PIBF1: variants seen among roughly 807,000 people sequenced by gnomAD.
PIBF1 encodes the protein progesterone immunomodulatory binding factor 1.
PIBF1 carries 90 observed loss-of-function variants against 112.5 expected under a neutral mutation model. The ratio of observed to expected loss-of-function variants is 0.80; its 90% CI spans 0.67 to 0.95. The LOEUF (loss-of-function observed/expected upper bound fraction) is 0.95. PIBF1 is among the 40% of genes least tolerant of loss of function. PIBF1 has a pLI of 0.00. For synonymous variants in PIBF1, 301 were observed against 288.6 expected (o/e 1.04, Z -0.44); for missense variants, 915 against 852.3 (o/e 1.07, Z -0.92).
At chr13:72,868,532 A>G (rs909089109) in intron 10 of PIBF1, among the ~76,000 whole-genome samples, 2 of 152,220 alleles carry the variant, frequency 1.3e-5, no homozygotes, top group African/African-American at 4.8e-5. Flanking sequence ...GTCATTTATA[A>G]GAATGGAATG....
chr13:72,971,188 GTGTGTGTGTGTGTGTGTA>G (rs1473615124), intron 15 of PIBF1, among the ~76,000 whole-genome samples: 98 of 112,852 alleles, frequency 8.7e-4, no homozygotes, highest in African/African-American at 3.3e-3. Context: ...GAGAGTGAGT[GTGTGTGTGTGTGTGTGTA>G]TGTGTGTGTG....
rs536625545 is a variant in PIBF1, at chr13:72,993,185, A to G, written c.2050-5637A>G. On this transcript the variant is annotated intron_variant, in intron 16 of 17. Coordinates refer to ENST00000326291, the MANE Select transcript of PIBF1 (RefSeq NM_006346.4). Reference sequence around the variant, plus strand: ...AAAATACAAAAATAATTAGCCGGGCATGGTTGGTGCATGCCTGTAGACCCA... The same window carrying G: ...AAAATACAAAAATAATTAGCCGGGCGTGGTTGGTGCATGCCTGTAGACCCA... 3.3e-5 allele frequency among the ~76,000 whole-genome samples: 5 copies of G among 151,986 alleles called. No individual in the cohort carries two copies. The East Asian group carries it at 9.7e-4, about 30-fold the overall frequency.
At chr13:72,992,501 G>C (rs1304609531) in intron 16 of PIBF1, among the ~76,000 whole-genome samples, 1 of 152,022 alleles carries the variant, frequency 6.6e-6, no homozygotes, top group Admixed American at 6.6e-5. Context: ...TCGCATCCAC[G>C]TACACAGAGA....
chr13:72,987,464 A>G (rs1026029360), intron 16 of PIBF1, among the ~76,000 whole-genome samples: 3 of 152,048 alleles, frequency 2.0e-5, no homozygotes, highest in Non-Finnish European at 4.4e-5. Flanking sequence ...AGACTGGGCT[A>G]AATAACTTGA....
At chr13:72,908,985 C>T (rs180943675) in intron 12 of PIBF1, among the ~76,000 whole-genome samples, 7 of 151,456 alleles carry the variant, frequency 4.6e-5, no homozygotes, top group East Asian at 1.9e-4. Context: ...AGGCAGAGGT[C>T]GCGTTGAGCC....
intron 10 of PIBF1, among the ~76,000 whole-genome samples, chr13:72,886,573 T>C (rs1355088834): frequency 6.6e-6 from 1 of 152,096 alleles, no homozygotes; most frequent in Non-Finnish European, 1.5e-5. Flanking sequence ...CTGTAGTACC[T>C]ATTTTTTTGA....
chr13:72,829,617 T>C (rs2037001490), intron 8 of PIBF1, among the ~76,000 whole-genome samples: 1 of 152,168 alleles, frequency 6.6e-6, no homozygotes, highest in Non-Finnish European at 1.5e-5. Context: ...CTGAGGCCTC[T>C]GTTCTGTTCC....
At chr13:72,947,015 G>C (rs568090174) in intron 14 of PIBF1, among the ~76,000 whole-genome samples, 1 of 152,176 alleles carries the variant, frequency 6.6e-6, no homozygotes, top group Non-Finnish European at 1.5e-5. Context: ...GACTTTTTGT[G>C]GGTGCTCCAA....
At chr13:72,937,057 G>C (rs1245747072) in intron 14 of PIBF1, among the ~76,000 whole-genome samples, 1 of 151,932 alleles carries the variant, frequency 6.6e-6, no homozygotes, top group Non-Finnish European at 1.5e-5. Flanking sequence ...TAAAACATTA[G>C]CATTAGCAAA....
At chr13:72,805,192 G>A (rs2035665528) in intron 5 of PIBF1, among the ~76,000 whole-genome samples, 1 of 152,246 alleles carries the variant, frequency 6.6e-6, no homozygotes, top group Admixed American at 6.5e-5. Flanking sequence ...GCCCAGGCTG[G>A]CATGCAGTGG....
intron 14 of PIBF1, among the ~76,000 whole-genome samples, chr13:72,959,847 A>C (rs1345545582): frequency 6.6e-6 from 1 of 152,208 alleles, no homozygotes; most frequent in Non-Finnish European, 1.5e-5. Flanking sequence ...AGAGTCACTT[A>C]TTACGTATAT....
intron 11 of PIBF1, among the ~76,000 whole-genome samples, chr13:72,903,636 T>G (rs1275825124): frequency 2.6e-5 from 4 of 152,228 alleles, no homozygotes; most frequent in African/African-American, 9.6e-5. Context: ...CTACATGTAT[T>G]TAATGACTCT....
At chr13:72,895,165 T>G (rs1188927999) in intron 11 of PIBF1, among the ~76,000 whole-genome samples, 3 of 151,914 alleles carry the variant, frequency 2.0e-5, no homozygotes, top group Admixed American at 6.6e-5. Context: ...ATATCTTATG[T>G]TTACTTTGGG....
intron 10 of PIBF1, among the ~76,000 whole-genome samples, chr13:72,892,167 G>C (rs976070298): frequency 6.6e-6 from 1 of 151,954 alleles, no homozygotes; most frequent in Non-Finnish European, 1.5e-5. Context: ...GAATTTTATG[G>C]TATATGAATT....
intron 14 of PIBF1, among the ~76,000 whole-genome samples, chr13:72,939,900 A>T (rs1027549888): frequency 6.6e-6 from 1 of 151,940 alleles, no homozygotes; most frequent in African/African-American, 2.4e-5. Context: ...TTCTGCCAAG[A>T]TATTGCCGTC....
At chr13:73,007,809 C>CAA (rs34084112) in intron 17 of PIBF1, among the ~76,000 whole-genome samples, 20 of 135,838 alleles carry the variant, frequency 1.5e-4, no homozygotes, top group African/African-American at 4.5e-4. Flanking sequence ...AACTCCATCT[C>CAA]AAAAAAAAAA....
chr13:72,826,234 T>C (rs1036778669), intron 6 of PIBF1, among the ~76,000 whole-genome samples: 6 of 152,152 alleles, frequency 3.9e-5, no homozygotes, highest in Non-Finnish European at 5.9e-5. Flanking sequence ...TGTAGGTGAT[T>C]GTTATTTTGT....
At chr13:72,947,247 TGAGCTGTACATTGGCCC>T (rs1473596761) in intron 14 of PIBF1, among the ~76,000 whole-genome samples, 2 of 152,194 alleles carry the variant, frequency 1.3e-5, no homozygotes, top group Non-Finnish European at 2.9e-5. Flanking sequence ...AGCAATGGCC[TGAGCTGTACATTGGCCC>T]GAGCTGTACA....
chr13:72,909,854 T>C (rs1168413960), intron 12 of PIBF1, among the ~76,000 whole-genome samples: 1 of 152,166 alleles, frequency 6.6e-6, no homozygotes, highest in Non-Finnish European at 1.5e-5. Flanking sequence ...TAATCTTTGA[T>C]CTTTAATTTC....
Sources: allele counts gnomAD v4.1 joint callset (sites outside exome capture counted in the v4.1 genomes callset), GRCh38; gene constraint gnomAD v4.1.1; transcripts MANE v1.5; gene names NCBI Gene and HGNC (gene_info 2026-07-23, HGNC 2026-07-21).